The following MSI2 variants were observed in gnomAD, a reference collection of about 807,000 sequenced individuals.
MSI2 encodes the protein musashi RNA binding protein 2.
A neutral mutation model predicts 45.6 loss-of-function variants in MSI2; 17 were observed. The observed-to-expected ratio is 0.37, with a 90% CI of 0.26 to 0.56. The LOEUF (loss-of-function observed/expected upper bound fraction) is 0.56. MSI2 is among the 20% of genes least tolerant of loss of function. The pLI is 0.77. For synonymous variants in MSI2, 156 were observed against 158.2 expected, an observed-to-expected ratio of 0.99 and a Z score of 0.11; for missense variants, 293 against 444.2, an observed-to-expected ratio of 0.66 and a Z score of 3.06.
At chr17:57,530,675 C>A (rs138548555) in intron 7 of MSI2, among the ~76,000 whole-genome samples, 44 of 152,220 alleles carry the variant, frequency 2.9e-4, no homozygotes, top group Non-Finnish European at 5.1e-4. Flanking sequence ...CCACTTGGAT[C>A]GCATTTAGAT....
chr17:57,286,313 A>T (rs3803756), intron 5 of MSI2, among the ~76,000 whole-genome samples: 81,936 of 151,482 alleles, frequency 0.54, 24,726 homozygotes, highest in Middle Eastern at 0.7. Context: ...GGTGATTTTT[A>T]AAAAAATGTT....
At chr17:57,593,806 G>C (rs960094811) in intron 7 of MSI2, among the ~76,000 whole-genome samples, 13 of 151,964 alleles carry the variant, frequency 8.6e-5, no homozygotes, top group African/African-American at 3.1e-4. Context: ...GGGCAGAGGG[G>C]TGACCTTCAA....
intron 10 of MSI2, among the ~76,000 whole-genome samples, chr17:57,651,076 A>G (rs748423760): frequency 2.6e-5 from 4 of 152,060 alleles, no homozygotes; most frequent in Admixed American, 6.6e-5. Flanking sequence ...CTTTATATGT[A>G]TGGGAGTGTA....
chr17:57,393,782 A>G (rs2083839233), intron 5 of MSI2, among the ~76,000 whole-genome samples: 1 of 152,162 alleles, frequency 6.6e-6, no homozygotes, highest in East Asian at 1.9e-4. Context: ...CCCGGGTTCA[A>G]GTGATTCTCC....
chr17:57,644,982 A>G (rs961985357), intron 10 of MSI2, among the ~76,000 whole-genome samples: 1 of 152,202 alleles, frequency 6.6e-6, no homozygotes. Flanking sequence ...GTGTCTTCTC[A>G]GACCAAGAAG....
At chr17:57,400,196 CTCCTACGTGTAAGATTTTGGT>C (rs903958304) in intron 5 of MSI2, among the ~76,000 whole-genome samples, 17 of 151,554 alleles carry the variant, frequency 1.1e-4, no homozygotes, top group African/African-American at 4.1e-4. Flanking sequence ...TTGATTTTGG[CTCCTACGTGTAAGATTTTGGT>C]TCCCACTCTG....
rs1913701781 is a variant in MSI2, at chr17:57,682,881, T to G, written c.*3364T>G. On this transcript the variant is annotated 3_prime_UTR_variant, in exon 14 of 14. Coordinates refer to ENST00000284073, the MANE Select transcript of MSI2 (RefSeq NM_138962.4). ...GCAGAGGCGAGTGAGTGGCATTAGC[T>G]CCCGGACCCATTCCCGGTCCTAGCT... The G allele has an allele frequency of 4.4e-6, 1 of 225,412 alleles. No individual in the cohort carries two copies. Among genetic ancestry groups the G allele is most frequent in the Non-Finnish European group, 8.8e-6 (1 of 113,376 alleles). 14.0% of individuals were successfully genotyped at this position (225,412 alleles called of 1,614,324 possible).
At chr17:57,677,130 T>C (rs1298154191) in intron 13 of MSI2, 71 bp downstream of exon 13, 1 of 1,000,704 alleles carries the variant, frequency 1.0e-6, no homozygotes, top group East Asian at 2.4e-5. Context: ...AGGTCATACA[T>C]GCACGTGCGT....
intron 7 of MSI2, among the ~76,000 whole-genome samples, chr17:57,539,660 T>G (rs1410479182): frequency 6.6e-6 from 1 of 151,990 alleles, no homozygotes; most frequent in Non-Finnish European, 1.5e-5. Context: ...GATGATCTGA[T>G]GGATAGATGA....
intron 5 of MSI2, among the ~76,000 whole-genome samples, chr17:57,318,645 G>C (rs75755766): frequency 6.6e-6 from 1 of 151,566 alleles, no homozygotes; most frequent in South Asian, 2.1e-4. Context: ...TGCCTGTTGT[G>C]GGGGGTGGGG....
At chr17:57,417,020 TG>T (rs2084307536) in intron 6 of MSI2, among the ~76,000 whole-genome samples, 1 of 151,988 alleles carries the variant, frequency 6.6e-6, no homozygotes, top group African/African-American at 2.4e-5. Flanking sequence ...AATCGCAGTG[TG>T]GTATAGCAAA....
intron 6 of MSI2, among the ~76,000 whole-genome samples, chr17:57,480,203 T>C (rs569089763): frequency 6.6e-6 from 1 of 152,274 alleles, no homozygotes; most frequent in East Asian, 1.9e-4. Context: ...CCCCAAGTTA[T>C]CCACCTGCCT....
the MSI2 span, among the ~76,000 whole-genome samples, chr17:57,694,591 C>T: frequency 6.6e-6 from 1 of 152,034 alleles, no homozygotes; most frequent in South Asian, 2.1e-4. Flanking sequence ...CACTTTTTGG[C>T]AAAATACCTT....
chr17:57,584,485 G>A (rs1230822846), intron 7 of MSI2, among the ~76,000 whole-genome samples: 1 of 152,194 alleles, frequency 6.6e-6, no homozygotes, highest in Non-Finnish European at 1.5e-5. Flanking sequence ...CCCCTGTGGG[G>A]GGCGCGGAGG....
At position 57,515,349 on chromosome 17, in the gene MSI2, G is replaced by A. The variant is rs150672901; in HGVS notation, c.406-14327G>A. Among the ~76,000 whole-genome samples the A allele has an allele frequency of 1.9e-3, 290 of 152,218 alleles. 2 individuals carry two copies. The highest frequency in any genetic ancestry group is 6.3e-3 in the African/African-American group (262 of 41,536). ...ATCCCGAGTAGCTGGGATTACAGGC[G>A]CCTGTCACCATGCTGGGCTAATTTT... is the stretch of plus-strand genomic sequence containing the variant. On this transcript the variant is annotated intron_variant, in intron 6 of 13. Transcript: ENST00000284073.
At chr17:57,275,309 G>A (rs1908742215) in intron 5 of MSI2, among the ~76,000 whole-genome samples, 1 of 152,246 alleles carries the variant, frequency 6.6e-6, no homozygotes, top group Admixed American at 6.5e-5. Context: ...GGGCTGGATG[G>A]TCCAAGAGGA....
At chr17:57,620,001 A>C (rs2144579136) in intron 9 of MSI2, among the ~76,000 whole-genome samples, 1 of 152,310 alleles carries the variant, frequency 6.6e-6, no homozygotes, top group South Asian at 2.1e-4. Context: ...GCCTAACCCC[A>C]GACCCTATCC....
rs750527023 is a variant in MSI2 at position 57,365,972 on chromosome 17, G to A, written c.313-35407G>A. 2.9e-4 allele frequency among the ~76,000 whole-genome samples: 44 copies of A among 152,214 alleles called. 1 individual carries two copies. Among genetic ancestry groups the A allele is most frequent in the Non-Finnish European group, 5.3e-4 (36 of 68,010 alleles). Reference sequence around the variant, plus strand: ...CTGTCACCCAGGCTGGATGCAGTGGGTGTGATATCGACTCACTGCAACTTC... The same window carrying A: ...CTGTCACCCAGGCTGGATGCAGTGGATGTGATATCGACTCACTGCAACTTC... On this transcript the variant is annotated intron_variant, in intron 5 of 13. Coordinates refer to ENST00000284073, the MANE Select transcript of MSI2 (RefSeq NM_138962.4).
At chr17:57,516,199 CA>C (rs1434542753) in intron 6 of MSI2, among the ~76,000 whole-genome samples, 1 of 152,194 alleles carries the variant, frequency 6.6e-6, no homozygotes, top group African/African-American at 2.4e-5. Context: ...TTAATAGTTA[CA>C]CCCTGGCCCC....
Sources: gnomAD v4.1 joint callset for allele counts (sites outside exome capture counted in the v4.1 genomes callset) on GRCh38, gnomAD v4.1.1 for gene constraint, MANE v1.5 for transcripts, NCBI Gene and HGNC (gene_info 2026-07-23, HGNC 2026-07-21) for gene names.